Variants in THSD4 observed in about 807,000 individuals in gnomAD.
THSD4 encodes the protein thrombospondin type 1 domain containing 4, also known as thrombospondin type-1 domain-containing protein 4.
THSD4 carries 69 observed loss-of-function variants against 119.0 expected under a neutral mutation model. That is an observed-to-expected ratio of 0.58 (90% CI 0.48 to 0.71). THSD4 has a LOEUF of 0.71. Among genes scored for constraint, THSD4 ranks in the 30% least tolerant of loss-of-function variants. The probability of loss-of-function intolerance (pLI) is 0.00; values close to 1 mark genes in which losing one functional copy is unlikely to be tolerated. For missense variants in THSD4, 1,393 were observed against 1,391.1 expected, an observed-to-expected ratio of 1.00 and a Z score of -0.02; for synonymous variants, 524 against 540.4, an observed-to-expected ratio of 0.97 and a Z score of 0.42.
intron 8 of THSD4, among the ~76,000 whole-genome samples, chr15:71,669,598 C>T (rs182551152): frequency 1.3e-5 from 2 of 152,042 alleles, no homozygotes; most frequent in African/African-American, 4.8e-5. Context: ...TTAAAACTTG[C>T]CCGTTTTGTT....
chr15:71,213,467 C>T (rs2043904099), intron 3 of THSD4, among the ~76,000 whole-genome samples: 1 of 152,196 alleles, frequency 6.6e-6, no homozygotes, highest in Non-Finnish European at 1.5e-5. Flanking sequence ...CCAGCCAGGA[C>T]AGCCAGTCCC....
intron 3 of THSD4, among the ~76,000 whole-genome samples, chr15:71,185,254 A>G (rs2043587484): frequency 6.6e-6 from 1 of 151,810 alleles, no homozygotes; most frequent in Non-Finnish European, 1.5e-5. Flanking sequence ...AAAGAGTTAT[A>G]CCTAATTTAA....
intron 7 of THSD4, among the ~76,000 whole-genome samples, chr15:71,615,959 AT>A (rs2050312311): frequency 6.6e-6 from 1 of 152,224 alleles, no homozygotes; most frequent in Non-Finnish European, 1.5e-5. Flanking sequence ...TCCTCACTGA[AT>A]AGAGGCTCCT....
intron 7 of THSD4, among the ~76,000 whole-genome samples, chr15:71,603,311 C>T (rs2050047885): frequency 6.6e-6 from 1 of 152,114 alleles, no homozygotes; most frequent in Non-Finnish European, 1.5e-5. Context: ...TGCTAATGGG[C>T]CCCCACCGCA....
intron 7 of THSD4, among the ~76,000 whole-genome samples, chr15:71,597,511 G>A (rs1480503002): frequency 6.6e-6 from 1 of 152,100 alleles, no homozygotes; most frequent in African/African-American, 2.4e-5. Flanking sequence ...ATTATAAAAG[G>A]CATAATAACA....
intron 1 of THSD4, among the ~76,000 whole-genome samples, chr15:71,136,212 T>C (rs1449350660): frequency 1.3e-5 from 2 of 151,916 alleles, no homozygotes; most frequent in Non-Finnish European, 2.9e-5. Context: ...TCCCGACTCT[T>C]TTCTCATCAT....
At chr15:71,438,087 C>A (rs2047039502) in intron 7 of THSD4, among the ~76,000 whole-genome samples, 1 of 152,182 alleles carries the variant, frequency 6.6e-6, no homozygotes, top group East Asian at 1.9e-4. Flanking sequence ...GCCCTAAGCA[C>A]CTCCCCTACC....
chr15:71,551,979 C>A (rs1049980791), intron 7 of THSD4, among the ~76,000 whole-genome samples: 1 of 152,214 alleles, frequency 6.6e-6, no homozygotes, highest in Non-Finnish European at 1.5e-5. Context: ...GTAAGCAGAT[C>A]TTTTCAAGGA....
intron 6 of THSD4, among the ~76,000 whole-genome samples, chr15:71,289,685 G>C (rs1319486164): frequency 6.6e-6 from 1 of 152,156 alleles, no homozygotes; most frequent in Non-Finnish European, 1.5e-5. Flanking sequence ...ATGTTGATCT[G>C]TTTTAAGAAC....
chr15:71,423,186 A>G (rs1359451931), intron 7 of THSD4, among the ~76,000 whole-genome samples: 1 of 152,046 alleles, frequency 6.6e-6, no homozygotes, highest in Non-Finnish European at 1.5e-5. Context: ...GTACTCCACT[A>G]TGGCCAAACT....
chr15:71,684,849 T>TA (rs765608464), intron 8 of THSD4, among the ~76,000 whole-genome samples: 1 of 152,100 alleles, frequency 6.6e-6, no homozygotes, highest in Non-Finnish European at 1.5e-5. Flanking sequence ...AACTCACCAA[T>TA]AAAAAACATC....
chr15:71,746,645 T>G (rs1388634431), intron 12 of THSD4, among the ~76,000 whole-genome samples, 193 bp from the exon 13 acceptor site: 1 of 152,212 alleles, frequency 6.6e-6, no homozygotes, highest in Non-Finnish European at 1.5e-5. Flanking sequence ...TCCTCCCACC[T>G]CAGCTTCCCA....
At chr15:71,201,509 G>A (rs2043803500) in intron 3 of THSD4, among the ~76,000 whole-genome samples, 2 of 152,150 alleles carry the variant, frequency 1.3e-5, no homozygotes, top group South Asian at 2.1e-4. Flanking sequence ...GCTTGCCCAC[G>A]CAGTGCCTCC....
intron 6 of THSD4, among the ~76,000 whole-genome samples, chr15:71,282,003 A>G (rs1474000655): frequency 6.6e-6 from 1 of 152,228 alleles, no homozygotes; most frequent in Non-Finnish European, 1.5e-5. Context: ...AAAGGAGGAT[A>G]ATAGTAGTAT....
intron 8 of THSD4, 52 bp from the exon 9 acceptor site, chr15:71,728,497 T>C: frequency 1.3e-6 from 2 of 1,595,730 alleles, no homozygotes; most frequent in Non-Finnish European, 1.7e-6. Flanking sequence ...CAGTTCTGTT[T>C]CTTGTGCACA....
intron 6 of THSD4, among the ~76,000 whole-genome samples, chr15:71,371,382 T>C (rs2046045169): frequency 6.6e-6 from 1 of 152,250 alleles, no homozygotes; most frequent in African/African-American, 2.4e-5. Context: ...ATCGATGGTC[T>C]TTACATTTTG....
intron 6 of THSD4, among the ~76,000 whole-genome samples, chr15:71,274,035 A>G (rs181021810): frequency 5.1e-4 from 78 of 152,314 alleles, no homozygotes; most frequent in Non-Finnish European, 1.2e-4. Flanking sequence ...CCTGGTAACA[A>G]GGGTTGGATT....
intron 7 of THSD4, among the ~76,000 whole-genome samples, chr15:71,480,335 G>A (rs1002938685): frequency 2.6e-5 from 4 of 152,202 alleles, no homozygotes; most frequent in Middle Eastern, 3.4e-3. Flanking sequence ...ACCATGCCCC[G>A]CCACTTTTTT....
chr15:71,512,118 G>A (rs781144585), intron 7 of THSD4, among the ~76,000 whole-genome samples: 2 of 152,136 alleles, frequency 1.3e-5, no homozygotes, highest in African/African-American at 2.4e-5. Flanking sequence ...GGGGGTAACC[G>A]CCCAGGCTGA....
Sources: allele counts gnomAD v4.1 joint callset (sites outside exome capture counted in the v4.1 genomes callset), GRCh38; gene constraint gnomAD v4.1.1; transcripts MANE v1.5; gene names NCBI Gene and HGNC (gene_info 2026-07-23, HGNC 2026-07-21).